The following RERE variants were observed in gnomAD, a reference collection of about 807,000 sequenced individuals.
The protein encoded by RERE is arginine-glutamic acid dipeptide repeats protein.
In RERE, 40 loss-of-function variants were observed where a neutral mutation model predicts 146.1. The ratio of observed to expected loss-of-function variants is 0.27; its 90% CI spans 0.21 to 0.36. RERE has a LOEUF of 0.36. Ranked by LOEUF, RERE falls within the 10% of genes least tolerant of loss-of-function variation. RERE has a pLI of 1.00. For synonymous variants in RERE, 1,003 were observed against 866.0 expected, an observed-to-expected ratio of 1.16 and a Z score of -2.78; for missense variants, 1,933 against 2,138.7, an observed-to-expected ratio of 0.90 and a Z score of 1.90.
rs1641190096 is a variant in RERE, at chr1:8,353,851, G to A, written c.*1236C>T. 1 of 152,500 alleles carries A rather than the reference G, an allele frequency of 6.6e-6. No individual in the cohort carries two copies. Among genetic ancestry groups the A allele is most frequent in the African/African-American group, 2.4e-5 (1 of 41,422 alleles). 9.4% of individuals were successfully genotyped at this position (152,500 alleles called of 1,614,324 possible). On this transcript the variant is annotated 3_prime_UTR_variant, in exon 23 of 23. Transcript: ENST00000400908. ...GCCCCCAACACCTGTCTTAACTCCAGGATCTCCCTTGCTCAAAAGTGGCCT... is the reference window on the plus strand; with the variant it reads ...GCCCCCAACACCTGTCTTAACTCCAAGATCTCCCTTGCTCAAAAGTGGCCT...
chr1:8,369,891 G>A lies in RERE; in HGVS notation c.1285-3917C>T, dbSNP rs1475895720. Among the ~76,000 whole-genome samples the A allele has an allele frequency of 3.3e-5, 5 of 152,212 alleles. No homozygotes were observed. The South Asian group carries it at 8.3e-4, about 25-fold the overall frequency. On this transcript the variant is annotated intron_variant, in intron 12 of 22. Coordinates refer to ENST00000400908, the MANE Select transcript of RERE (RefSeq NM_001042681.2). ...TGCAAGCTCCGCCTCCCGGGTTCACGCCATTCTCCTGCCTCGGCCTCCCGA... is the reference window on the plus strand; with the variant it reads ...TGCAAGCTCCGCCTCCCGGGTTCACACCATTCTCCTGCCTCGGCCTCCCGA...
At chr1:8,767,611 A>G (rs111835454) in intron 1 of RERE, among the ~76,000 whole-genome samples, 111 of 151,800 alleles carry the variant, frequency 7.3e-4, no homozygotes, top group African/African-American at 2.6e-3. Context: ...TCTCAAAAAA[A>G]AAAAAAGAGA....
intron 8 of RERE, among the ~76,000 whole-genome samples, chr1:8,498,611 G>A (rs899589781): frequency 2.7e-5 from 4 of 150,478 alleles, no homozygotes; most frequent in South Asian, 2.1e-4. Flanking sequence ...CAAGAGAATC[G>A]CTTGAACCCG....
At chr1:8,486,618 G>T (rs949223171) in intron 10 of RERE, among the ~76,000 whole-genome samples, 3 of 151,066 alleles carry the variant, frequency 2.0e-5, no homozygotes, top group Admixed American at 1.3e-4. Context: ...AATTAATAAC[G>T]AACAGAAACC....
At chr1:8,564,653 C>T (rs186680864) in intron 4 of RERE, among the ~76,000 whole-genome samples, 2,969 of 151,950 alleles carry the variant, frequency 0.02, 44 homozygotes, top group Non-Finnish European at 0.027. Context: ...TCCAGGAATC[C>T]CACTTCTGTG....
intron 10 of RERE, among the ~76,000 whole-genome samples, chr1:8,473,144 TGA>T (rs1644710560): frequency 6.6e-6 from 1 of 152,168 alleles, no homozygotes; most frequent in African/African-American, 2.4e-5. Flanking sequence ...TGGAATCCTC[TGA>T]GATGTGATTT....
intron 6 of RERE, among the ~76,000 whole-genome samples, chr1:8,547,447 A>G (rs1645878110): frequency 2.0e-5 from 3 of 152,200 alleles, no homozygotes; most frequent in African/African-American, 7.2e-5. Context: ...CACAATAAAA[A>G]ATACAACAAA....
intron 7 of RERE, among the ~76,000 whole-genome samples, chr1:8,526,235 C>A (rs1258786860): frequency 3.3e-5 from 5 of 151,796 alleles, no homozygotes; most frequent in Admixed American, 3.3e-4. Context: ...GCAAGCCAAG[C>A]CACGGAGGAG....
intron 1 of RERE, among the ~76,000 whole-genome samples, chr1:8,771,725 A>T (rs1402506205): frequency 6.6e-6 from 1 of 151,974 alleles, no homozygotes; most frequent in African/African-American, 2.4e-5. Context: ...CCTGGCTAAC[A>T]AGGTGAAGCC....
At chr1:8,728,263 TTCC>T (rs1449650886) in intron 1 of RERE, among the ~76,000 whole-genome samples, 4 of 152,232 alleles carry the variant, frequency 2.6e-5, no homozygotes, top group African/African-American at 9.6e-5. Flanking sequence ...ATTAAAATCA[TTCC>T]TCTAACCTAA....
At chr1:8,676,131 A>C (rs763065580) in intron 1 of RERE, among the ~76,000 whole-genome samples, 6 of 152,216 alleles carry the variant, frequency 3.9e-5, no homozygotes, top group Non-Finnish European at 7.3e-5. Flanking sequence ...TAAATTTCCC[A>C]GTGTAATTCA....
At chr1:8,440,911 G>GA (rs1030649483) in intron 11 of RERE, among the ~76,000 whole-genome samples, 4 of 147,342 alleles carry the variant, frequency 2.7e-5, no homozygotes, top group Admixed American at 7.0e-5. Flanking sequence ...AAAAAAAATA[G>GA]AAAGTATGCC....
intron 4 of RERE, among the ~76,000 whole-genome samples, chr1:8,583,365 G>C (rs184957954): frequency 6.6e-6 from 1 of 152,166 alleles, no homozygotes; most frequent in Non-Finnish European, 1.5e-5. Context: ...AAGATCTCTG[G>C]ATATGAGCAT....
At chr1:8,694,943 A>G (rs1327121991) in intron 1 of RERE, among the ~76,000 whole-genome samples, 1 of 134,916 alleles carries the variant, frequency 7.4e-6, no homozygotes, top group African/African-American at 2.7e-5. Flanking sequence ...TGAAACCAAA[A>G]AAAGTACCCA....
chr1:8,458,540 AGCCCT>A (rs1357305025), intron 11 of RERE, among the ~76,000 whole-genome samples: 1 of 152,248 alleles, frequency 6.6e-6, no homozygotes, highest in Non-Finnish European at 1.5e-5. Flanking sequence ...GTCTCTGTAT[AGCCCT>A]GATGTCTAAA....
At position 8,360,278 on chromosome 1, in the gene RERE, C is replaced by T; in HGVS notation, c.3229G>A (p.Gly1077Arg). 6.4e-7 allele frequency: 1 copy of T among 1,563,494 alleles called. No individual in the cohort carries two copies. The highest frequency in any genetic ancestry group is 8.7e-7 in the Non-Finnish European group (1 of 1,155,124). ...QPPCSGAAAS[G>R]GSIAGGSSCP... is the part of the protein sequence containing the mutation. Reference sequence around the variant, plus strand: ...GACGACCCCCCCGCTATGCTGCCTCCTGAAGCCGCCGCACCAGAGCAGGGT... The same window carrying T: ...GACGACCCCCCCGCTATGCTGCCTCTTGAAGCCGCCGCACCAGAGCAGGGT... The change falls in exon 18 of 23, where the codon GGA becomes AGA. Residue 1077 changes from glycine (G) to arginine (R), a missense_variant. Gly to Arg is a moderately radical substitution (Grantham distance 125, BLOSUM62 -2). Transcript: ENST00000400908.
Position 8,360,097 on chromosome 1 carries a change from C to T in RERE, c.3395+15G>A. On this transcript the variant is annotated intron_variant, in intron 18 of 22. Transcript: ENST00000400908. ...CACCTGTGCCTGACCCGTCCTGGAG[C>T]CCTAGGAAGCGTACCTAGCTGACTG... The T allele has an allele frequency of 6.3e-7, 1 of 1,577,330 alleles. No homozygotes were observed. Among genetic ancestry groups the T allele is most frequent in the Non-Finnish European group, 8.6e-7 (1 of 1,160,128 alleles).
chr1:8,437,618 A>ATG (rs1644188336), intron 11 of RERE, among the ~76,000 whole-genome samples: 1 of 152,174 alleles, frequency 6.6e-6, no homozygotes, highest in Non-Finnish European at 1.5e-5. Context: ...TAGCGCTCCC[A>ATG]TGATACCTCA....
intron 1 of RERE, among the ~76,000 whole-genome samples, chr1:8,815,388 T>C (rs1231947717): frequency 3.3e-5 from 5 of 152,176 alleles, no homozygotes; most frequent in Admixed American, 6.6e-5. Flanking sequence ...AAGACTCTGC[T>C]CACATTCACT....
Sources: gnomAD v4.1 joint callset for allele counts (sites outside exome capture counted in the v4.1 genomes callset) on GRCh38, gnomAD v4.1.1 for gene constraint, MANE v1.5 for transcripts, NCBI Gene and HGNC (gene_info 2026-07-23, HGNC 2026-07-21) for gene names.